DCBLD2: variants seen among roughly 807,000 people sequenced by gnomAD.
DCBLD2 encodes discoidin, CUB and LCCL domain containing 2, also known as discoidin, CUB and LCCL domain-containing protein 2.
Under a neutral mutation model 86.8 loss-of-function variants are expected in DCBLD2, and 54 were observed. The observed-to-expected ratio is 0.62, with a 90% CI of 0.50 to 0.78. DCBLD2 has a LOEUF of 0.78. Ranked by LOEUF, DCBLD2 falls within the 30% of genes least tolerant of loss-of-function variation. The pLI, the probability that DCBLD2 is intolerant of heterozygous loss-of-function variation, is 0.00. For synonymous variants in DCBLD2, 354 were observed against 341.3 expected (o/e 1.04, Z -0.41); for missense variants, 908 against 954.2 (o/e 0.95, Z 0.64).
rs144427273 is a variant in DCBLD2 at position 98,850,823 on chromosome 3, G to A, written c.434-1225C>T. The stretch of plus-strand genomic sequence containing the variant: ...CAGGATCCATATACAAAAATCAACT[G>A]CATTTCCATATATGCTAGTGCAATC... On this transcript the variant is annotated intron_variant, in intron 2 of 15. Transcript: ENST00000326840. Among the ~76,000 whole-genome samples the A allele has an allele frequency of 2.2e-4, 34 of 152,258 alleles. No homozygotes were observed. The East Asian group carries it at 6.6e-3, about 29-fold the overall frequency.
intron 13 of DCBLD2, among the ~76,000 whole-genome samples, chr3:98,803,339 GCTCTCTGT>G (rs1941765490): frequency 1.3e-5 from 2 of 151,860 alleles, no homozygotes; most frequent in African/African-American, 4.8e-5. Context: ...TCATGATTTG[GCTCTCTGT>G]CTGTTATTGG....
chr3:98,809,995 T>C (rs144991993), intron 12 of DCBLD2, among the ~76,000 whole-genome samples: 264 of 152,264 alleles, frequency 1.7e-3, no homozygotes, highest in Admixed American at 6.4e-3. Flanking sequence ...GTTCAAAAAA[T>C]AAATTTATAT....
intron 3 of DCBLD2, among the ~76,000 whole-genome samples, chr3:98,843,481 C>T (rs371218110): frequency 2.0e-4 from 31 of 152,004 alleles, no homozygotes; most frequent in African/African-American, 7.0e-4. Flanking sequence ...TTTTCAAAGC[C>T]GAAAACATTC....
chr3:98,876,347 C>T (rs940183434), intron 2 of DCBLD2, among the ~76,000 whole-genome samples: 14 of 123,624 alleles, frequency 1.1e-4, no homozygotes, highest in Non-Finnish European at 2.1e-4. Flanking sequence ...TATAGAAAGA[C>T]CTGTCTTTAA....
In DCBLD2 at chr3:98,865,956, G is replaced by A. The variant is rs188265534; in HGVS notation, c.433+15584C>T. ...TTCCCACCTATGAGTGAGAACATGCGGTGTTCGGTTTTTTGTCCTTGTGAT... is the reference window on the plus strand; with the variant it reads ...TTCCCACCTATGAGTGAGAACATGCAGTGTTCGGTTTTTTGTCCTTGTGAT... On this transcript the variant is annotated intron_variant, in intron 2 of 15. Transcript: ENST00000326840. Among the ~76,000 whole-genome samples, 15 of 148,936 alleles carry A rather than the reference G, an allele frequency of 1.0e-4. No homozygotes were observed. In the East Asian group the frequency reaches 1.8e-3, roughly 18 times the overall value.
At chr3:98,816,039 CAAA>C (rs371813420) in intron 9 of DCBLD2, 1 of 127,918 alleles carries the variant, frequency 7.8e-6, no homozygotes. Flanking sequence ...GAACCCCACG[CAAA>C]AAAAAAAGAA....
At chr3:98,826,625 TC>T (rs1319018747) in intron 3 of DCBLD2, among the ~76,000 whole-genome samples, 13 of 152,212 alleles carry the variant, frequency 8.5e-5, no homozygotes, top group Admixed American at 2.0e-4. Flanking sequence ...TAAAGCCTAG[TC>T]CCCGGACAGA....
chr3:98,817,795 T>G lies in DCBLD2; in HGVS notation c.1186A>C (p.Arg396=). 1 of 1,613,768 alleles carries G rather than the reference T, an allele frequency of 6.2e-7. No individual in the cohort carries two copies. Among genetic ancestry groups the G allele is most frequent in the Non-Finnish European group, 8.5e-7 (1 of 1,179,736 alleles). Residue 396 remains arginine (R), a synonymous_variant, in exon 9 of 16, where the codon AGA becomes CGA. Coordinates refer to ENST00000326840, the MANE Select transcript of DCBLD2 (RefSeq NM_080927.4). ...SDDGQKWTVY[R]EPGVEQDKIF... ...TTATCTTGCTCCACACCAGGCTCTC[T>G]GTACACAGTCCATTTCTGCCCATCA...
intron 2 of DCBLD2, among the ~76,000 whole-genome samples, chr3:98,878,291 G>GAT (rs1198069824): frequency 1.3e-5 from 2 of 152,136 alleles, no homozygotes; most frequent in African/African-American, 4.8e-5. Context: ...GCCATGATAT[G>GAT]ATACACTGAG....
chr3:98,820,514 C>A (rs1942099847), intron 6 of DCBLD2, among the ~76,000 whole-genome samples: 1 of 152,160 alleles, frequency 6.6e-6, no homozygotes, highest in African/African-American at 2.4e-5. Context: ...AAGTATCTAG[C>A]ACCCAGTTTC....
At chr3:98,809,754 A>ATTTGTGC (rs1420464306) in intron 12 of DCBLD2, among the ~76,000 whole-genome samples, 1 of 152,190 alleles carries the variant, frequency 6.6e-6, no homozygotes, top group Non-Finnish European at 1.5e-5. Flanking sequence ...GGACCTGGAA[A>ATTTGTGC]CTACAGAGGC....
chr3:98,867,569 C>G (rs887513991), intron 2 of DCBLD2, among the ~76,000 whole-genome samples: 3 of 152,142 alleles, frequency 2.0e-5, no homozygotes, highest in Non-Finnish European at 4.4e-5. Flanking sequence ...CTGAAAGGGT[C>G]CACTGGGTAC....
At chr3:98,836,364 C>T (rs1290576486) in intron 3 of DCBLD2, among the ~76,000 whole-genome samples, 1 of 147,594 alleles carries the variant, frequency 6.8e-6, no homozygotes, top group East Asian at 1.9e-4. Flanking sequence ...ATTTGTATAA[C>T]ATGGAACGTT....
chr3:98,890,538 C>T (rs1943640599), intron 1 of DCBLD2: 2 of 152,042 alleles, frequency 1.3e-5, no homozygotes, highest in Non-Finnish European at 1.5e-5. Flanking sequence ...TCTACATATC[C>T]AATGAAACTC....
chr3:98,824,408 C>T (rs911696079), intron 4 of DCBLD2, among the ~76,000 whole-genome samples: 3 of 152,242 alleles, frequency 2.0e-5, no homozygotes, highest in Middle Eastern at 6.8e-3. Flanking sequence ...AGCTGACCCT[C>T]TGCCAGGGCT....
At chr3:98,824,304 C>T (rs1056707917) in intron 4 of DCBLD2, among the ~76,000 whole-genome samples, 3 of 131,066 alleles carry the variant, frequency 2.3e-5, no homozygotes, top group Non-Finnish European at 5.1e-5. Context: ...GAGGCTGGGA[C>T]ACCATTAGGC....
At position 98,796,425 on chromosome 3, in the gene DCBLD2, A is replaced by G. The variant is rs537712759; in HGVS notation, c.*2947T>C. On this transcript the variant is annotated 3_prime_UTR_variant, in exon 16 of 16. Coordinates refer to ENST00000326840, the MANE Select transcript of DCBLD2 (RefSeq NM_080927.4). ...TCGTTTCATGTGACATGATGTTTCT[A>G]TAGACCTCTTGCTCTCTAGGTGACA... The G allele has an allele frequency of 6.5e-5, 10 of 152,794 alleles. No individual in the cohort carries two copies. The highest frequency in any genetic ancestry group is 2.4e-4 in the African/African-American group (10 of 41,584). The allele number at this position is 152,794 out of a possible 1,614,324, so 9.5% of individuals were successfully genotyped here.
intron 1 of DCBLD2, among the ~76,000 whole-genome samples, chr3:98,891,320 G>A (rs1355079549): frequency 6.6e-6 from 1 of 151,880 alleles, no homozygotes; most frequent in Non-Finnish European, 1.5e-5. Flanking sequence ...GGAAGAGGAA[G>A]AAGATTCCAG....
At chr3:98,849,427 A>T (rs1158153258) in intron 3 of DCBLD2, 34 bp downstream of exon 3, 1 of 1,612,478 alleles carries the variant, frequency 6.2e-7, no homozygotes, top group East Asian at 2.2e-5. Flanking sequence ...AGAAATTACA[A>T]ACTGTAGGAA....
Sources: allele counts gnomAD v4.1 joint callset (sites outside exome capture counted in the v4.1 genomes callset), GRCh38; gene constraint gnomAD v4.1.1; transcripts MANE v1.5; gene names NCBI Gene and HGNC (gene_info 2026-07-23, HGNC 2026-07-21).